Variants in PPARGC1A observed in about 807,000 individuals in gnomAD.
PPARGC1A encodes PPARG coactivator 1 alpha.
Under a neutral mutation model 88.7 loss-of-function variants are expected in PPARGC1A, and 25 were observed. The ratio of observed to expected loss-of-function variants is 0.28; its 90% CI spans 0.21 to 0.39. The LOEUF is 0.39. Among genes scored for constraint, PPARGC1A ranks in the 10% least tolerant of loss-of-function variants. The probability of loss-of-function intolerance (pLI) is 1.00; values close to 1 mark genes in which losing one functional copy is unlikely to be tolerated. For missense variants in PPARGC1A, 880 were observed against 968.7 expected (o/e 0.91, Z 1.22); for synonymous variants, 363 against 355.6 (o/e 1.02, Z -0.24).
At chr4:24,387,788 G>T in the PPARGC1A span, among the ~76,000 whole-genome samples, 1 of 94,274 alleles carries the variant, frequency 1.1e-5, no homozygotes, top group Non-Finnish European at 2.3e-5. Context: ...AAGAAAGAAA[G>T]AAAGAAAGAA....
the PPARGC1A span, among the ~76,000 whole-genome samples, chr4:23,947,356 T>G: frequency 2.2e-3 from 22 of 10,128 alleles, no homozygotes; most frequent in African/African-American, 6.5e-3. Context: ...TATAGTGATA[T>G]ATATATATAT....
the PPARGC1A span, among the ~76,000 whole-genome samples, chr4:24,154,133 T>A: frequency 3.6e-4 from 55 of 152,322 alleles, no homozygotes; most frequent in Admixed American, 3.1e-3. Context: ...CCAGTTTGAA[T>A]CCCATCTCCA....
At chr4:23,895,665 A>C (rs972051952) in intron 1 of PPARGC1A, among the ~76,000 whole-genome samples, 3 of 152,052 alleles carry the variant, frequency 2.0e-5, no homozygotes, top group Admixed American at 1.3e-4. Flanking sequence ...TTAGCAGCTC[A>C]ATCGAAAAAT....
At chr4:24,092,110 T>C in the PPARGC1A span, among the ~76,000 whole-genome samples, 1 of 152,070 alleles carries the variant, frequency 6.6e-6, no homozygotes, top group African/African-American at 2.4e-5. Context: ...CAGCAGCCAG[T>C]GAACATGAAT....
At chr4:23,883,227 C>T (rs1716277381) in intron 2 of PPARGC1A, 1 of 152,166 alleles carries the variant, frequency 6.6e-6, no homozygotes, top group South Asian at 2.1e-4. Context: ...GTTCTGTCTC[C>T]CCAGTCCAAA....
the PPARGC1A span, among the ~76,000 whole-genome samples, chr4:24,037,230 T>G: frequency 2.0e-5 from 3 of 152,344 alleles, no homozygotes; most frequent in Admixed American, 1.3e-4. Flanking sequence ...GTTTCTTTAT[T>G]TTTAATATAT....
intron 2 of PPARGC1A, 97 bp from the exon 3 acceptor site, chr4:23,831,848 G>T: frequency 1.1e-6 from 1 of 942,356 alleles, no homozygotes; most frequent in Non-Finnish European, 1.6e-6. Context: ...AACCATACGT[G>T]AAATCTAGAA....
chr4:23,907,609 G>A (rs1440915561), upstream of PPARGC1A, among the ~76,000 whole-genome samples: 2 of 152,148 alleles, frequency 1.3e-5, no homozygotes, highest in Non-Finnish European at 2.9e-5. Flanking sequence ...CGAAAATGGG[G>A]ATAATACCTA....
the PPARGC1A span, among the ~76,000 whole-genome samples, chr4:24,061,334 T>C: frequency 6.6e-6 from 1 of 152,216 alleles, no homozygotes; most frequent in African/African-American, 2.4e-5. Flanking sequence ...TTCAGGCAAC[T>C]CAGGAAAAGC....
chr4:24,387,782 A>G, the PPARGC1A span, among the ~76,000 whole-genome samples: 10,058 of 80,586 alleles, frequency 0.12, 734 homozygotes, highest in East Asian at 0.29. Context: ...GAAAGAAAGA[A>G]AGAAAGAAAG....
chr4:24,412,015 G>A, the PPARGC1A span, among the ~76,000 whole-genome samples: 15 of 152,210 alleles, frequency 9.9e-5, no homozygotes, highest in Middle Eastern at 3.4e-3. Context: ...TTTCATCTCC[G>A]TTTGGGTAAA....
the PPARGC1A span, among the ~76,000 whole-genome samples, chr4:24,123,924 A>C: frequency 0.2 from 30,391 of 150,188 alleles, 3,468 homozygotes; most frequent in Non-Finnish European, 0.24. Flanking sequence ...AAAAAAAAAA[A>C]ACAAAAAAAA....
chr4:24,024,206 T>G, the PPARGC1A span, among the ~76,000 whole-genome samples: 1 of 152,292 alleles, frequency 6.6e-6, no homozygotes, highest in Middle Eastern at 3.4e-3. Context: ...CAAAGCACAC[T>G]CTATGTGCCA....
the PPARGC1A span, among the ~76,000 whole-genome samples, chr4:23,970,129 C>T: frequency 6.6e-6 from 1 of 152,194 alleles, no homozygotes; most frequent in Non-Finnish European, 1.5e-5. Flanking sequence ...TAGACAGATT[C>T]TTACTTTACT....
At chr4:24,296,518 T>C in the PPARGC1A span, among the ~76,000 whole-genome samples, 2 of 152,132 alleles carry the variant, frequency 1.3e-5, no homozygotes, top group East Asian at 3.8e-4. Flanking sequence ...TCTATGTCAG[T>C]TAGTTTGGCT....
intron 7 of PPARGC1A, among the ~76,000 whole-genome samples, chr4:23,821,763 A>G (rs1723055713): frequency 6.6e-6 from 1 of 151,984 alleles, no homozygotes; most frequent in African/African-American, 2.4e-5. Context: ...CATATCATGC[A>G]TAAGAATCCT....
the PPARGC1A span, among the ~76,000 whole-genome samples, chr4:24,034,093 A>G: frequency 6.6e-6 from 1 of 152,186 alleles, no homozygotes; most frequent in Non-Finnish European, 1.5e-5. Flanking sequence ...GGACTTGCAA[A>G]AAGTATATCC....
the PPARGC1A span, among the ~76,000 whole-genome samples, chr4:23,920,499 C>G: frequency 2.7e-4 from 41 of 152,340 alleles, no homozygotes; most frequent in African/African-American, 9.9e-4. Context: ...ATGTGGCCAG[C>G]AGCTTGGTGA....
chr4:24,247,357 AT>A, the PPARGC1A span, among the ~76,000 whole-genome samples: 6 of 151,894 alleles, frequency 4.0e-5, no homozygotes, highest in Admixed American at 2.0e-4. Flanking sequence ...TCAGCCACAA[AT>A]TTTTTTTCAA....
Sources: gnomAD v4.1 joint callset for allele counts (sites outside exome capture counted in the v4.1 genomes callset) on GRCh38, gnomAD v4.1.1 for gene constraint, MANE v1.5 for transcripts, NCBI Gene and HGNC (gene_info 2026-07-23, HGNC 2026-07-21) for gene names.